The following VRK3 variants were observed in gnomAD, a reference collection of about 807,000 sequenced individuals.
VRK3 encodes the protein VRK serine/threonine kinase 3.
VRK3 carries 50 observed loss-of-function variants against 60.4 expected under a neutral mutation model. The observed-to-expected ratio is 0.83, with a 90% CI of 0.66 to 1.05. The LOEUF is 1.05. Among genes scored for constraint, VRK3 ranks in the 50% least tolerant of loss-of-function variants. VRK3 has a pLI of 0.00. For missense variants in VRK3, 549 were observed against 585.3 expected (o/e 0.94, Z 0.64); for synonymous variants, 246 against 227.8 (o/e 1.08, Z -0.72).
At chr19:50,022,567 C>A (rs780521551) in intron 1 of VRK3, among the ~76,000 whole-genome samples, 2 of 151,954 alleles carry the variant, frequency 1.3e-5, no homozygotes, top group East Asian at 3.9e-4. Flanking sequence ...GGGCGGATCA[C>A]GTGAGGTTAG....
chr19:49,991,525 ACACACACACG>A (rs1417336479), intron 10 of VRK3, among the ~76,000 whole-genome samples: 1 of 151,794 alleles, frequency 6.6e-6, no homozygotes, highest in African/African-American at 2.4e-5. Flanking sequence ...CTCTACACAC[ACACACACACG>A]CACACACACA....
chr19:50,010,413 T>C (rs1231154841), intron 3 of VRK3, among the ~76,000 whole-genome samples: 2 of 152,240 alleles, frequency 1.3e-5, no homozygotes, highest in Admixed American at 6.5e-5. Context: ...CTGGTACTCA[T>C]GATCCTTGGA....
intron 7 of VRK3, 72 bp from the exon 8 acceptor site, chr19:49,995,347 GAGA>G (rs201819422): frequency 0.053 from 75,109 of 1,424,164 alleles, 2,440 homozygotes; most frequent in Middle Eastern, 0.087. Context: ...CTAGTTCTCA[GAGA>G]AGAAGCACAG....
intron 7 of VRK3, 32 bp downstream of exon 7, chr19:49,997,472 C>A (rs1470405052): frequency 1.2e-6 from 2 of 1,611,564 alleles, no homozygotes; most frequent in South Asian, 2.2e-5. Context: ...CCCCCTCACT[C>A]TCCCCTCCTT....
chr19:50,023,193 T>G (rs1396540223), intron 1 of VRK3, among the ~76,000 whole-genome samples: 1 of 152,212 alleles, frequency 6.6e-6, no homozygotes, highest in Non-Finnish European at 1.5e-5. Flanking sequence ...TTTTTTCTTT[T>G]CTTTTTTTTG....
intron 14 of VRK3, 59 bp downstream of exon 14, chr19:49,979,024 G>A: frequency 6.6e-7 from 1 of 1,514,060 alleles, no homozygotes; most frequent in Non-Finnish European, 8.9e-7. Flanking sequence ...CTGGAGCCTG[G>A]GGCAGGGCTC....
intron 4 of VRK3, chr19:50,008,955 CA>C (rs1460283571): frequency 2.1e-5 from 8 of 374,912 alleles, no homozygotes; most frequent in Non-Finnish European, 3.9e-5. Context: ...CCAGGCCACA[CA>C]GATACCAGAC....
At chr19:49,978,132 G>A (rs2076362503) in intron 14 of VRK3, among the ~76,000 whole-genome samples, 1 of 152,128 alleles carries the variant, frequency 6.6e-6, no homozygotes, top group African/African-American at 2.4e-5. Flanking sequence ...TTGTGGGGTG[G>A]TACAGGTGGG....
intron 2 of VRK3, among the ~76,000 whole-genome samples, chr19:50,017,446 C>T (rs551972350): frequency 1.3e-3 from 188 of 150,338 alleles, no homozygotes; most frequent in African/African-American, 4.0e-3. Flanking sequence ...TGGTGGTGCA[C>T]GCCTGTAATC....
At chr19:50,013,396 G>A (rs28624455) in intron 3 of VRK3, among the ~76,000 whole-genome samples, 1,696 of 152,252 alleles carry the variant, frequency 0.011, 34 homozygotes, top group African/African-American at 0.039. Flanking sequence ...TCCCCTTTTA[G>A]TAAGAAAAAT....
intron 3 of VRK3, among the ~76,000 whole-genome samples, chr19:50,011,198 T>C (rs1470667185): frequency 6.6e-6 from 1 of 152,180 alleles, no homozygotes; most frequent in African/African-American, 2.4e-5. Flanking sequence ...ATAACACCTA[T>C]GTAACACTTG....
intron 14 of VRK3, chr19:49,978,670 C>T (rs755969): frequency 0.05 from 8,162 of 162,630 alleles, 721 homozygotes; most frequent in African/African-American, 0.19. Context: ...TGTATGGGGG[C>T]GCCAAGGGGG....
intron 5 of VRK3, chr19:50,001,522 A>G (rs2076806093): frequency 7.0e-6 from 1 of 143,418 alleles, no homozygotes; most frequent in East Asian, 2.2e-4. Context: ...GGCTGAGGCC[A>G]TCACTGGGCT....
At chr19:50,019,861 G>GT (rs752888124) in intron 2 of VRK3, among the ~76,000 whole-genome samples, 1 of 151,148 alleles carries the variant, frequency 6.6e-6, no homozygotes, top group African/African-American at 2.4e-5. Flanking sequence ...TGAACAAAGC[G>GT]TTTGTTTAGA....
Position 50,000,824 on chromosome 19 carries a change from G to A in VRK3, c.578C>T (p.Ser193Leu). Reference protein sequence around the residue: ...AAPTSTLTCDSGPQKQKFSLK... With the variant: ...AAPTSTLTCDLGPQKQKFSLK... Reference sequence around the variant, plus strand: ...TGAGAACTTTTGCTTCTGTGGTCCTGAGTCACAGGTGAGGGTGGAGGTGGG... The same window carrying A: ...TGAGAACTTTTGCTTCTGTGGTCCTAAGTCACAGGTGAGGGTGGAGGTGGG... The change falls in exon 6 of 15, where the codon TCA (serine) becomes TTA (leucine). Residue 193 changes from serine (S) to leucine (L), a missense_variant. Coordinates refer to ENST00000316763, the MANE Select transcript of VRK3 (RefSeq NM_016440.4). The A allele has an allele frequency of 1.2e-6, 2 of 1,613,998 alleles. No individual in the cohort carries two copies. Among genetic ancestry groups the A allele is most frequent in the Non-Finnish European group, 1.7e-6 (2 of 1,179,940 alleles).
At chr19:49,977,466 G>C (rs1048147137) in intron 14 of VRK3, among the ~76,000 whole-genome samples, 19 of 152,104 alleles carry the variant, frequency 1.2e-4, no homozygotes, top group African/African-American at 4.6e-4. Context: ...CTTTGCCCTG[G>C]GTGAGGAAGG....
intron 10 of VRK3, among the ~76,000 whole-genome samples, chr19:49,990,324 T>C (rs80095022): frequency 0.052 from 7,983 of 152,302 alleles, 690 homozygotes; most frequent in African/African-American, 0.18. Context: ...TTAACTGAGT[T>C]TAAAACAAAA....
chr19:49,994,668 C>T (rs2076669540), intron 9 of VRK3, 146 bp downstream of exon 9: 10 of 735,406 alleles, frequency 1.4e-5, no homozygotes, highest in Admixed American at 2.8e-5. Flanking sequence ...CGGCTCTAAC[C>T]GCCTGCCATG....
At chr19:49,997,267 C>T (rs990932591) in intron 7 of VRK3, 11 of 431,456 alleles carry the variant, frequency 2.5e-5, no homozygotes, top group Non-Finnish European at 3.8e-5. Flanking sequence ...GTATAGGCGT[C>T]AACCCACGCC....
Sources: allele counts gnomAD v4.1 joint callset (sites outside exome capture counted in the v4.1 genomes callset), GRCh38; gene constraint gnomAD v4.1.1; transcripts MANE v1.5; gene names NCBI Gene and HGNC (gene_info 2026-07-23, HGNC 2026-07-21).